Variants in AKR1C4 observed in about 807,000 individuals in gnomAD.
The protein encoded by AKR1C4 is 3-alpha-HSD1.
Under a neutral mutation model 41.0 loss-of-function variants are expected in AKR1C4, and 44 were observed. That is an observed-to-expected ratio of 1.07 (90% CI 0.84 to 1.38). The LOEUF (loss-of-function observed/expected upper bound fraction) is 1.38. Ranked by LOEUF, AKR1C4 falls within the 40% of genes most tolerant of loss-of-function variation. AKR1C4 has a pLI of 0.00. For synonymous variants in AKR1C4, 165 were observed against 137.7 expected (o/e 1.20, Z -1.39); for missense variants, 438 against 387.9 (o/e 1.13, Z -1.09).
chr10:5,216,144 CA>C (rs1832653114), intron 7 of AKR1C4, among the ~76,000 whole-genome samples: 1 of 152,046 alleles, frequency 6.6e-6, no homozygotes, highest in African/African-American at 2.4e-5. Flanking sequence ...TATCAAATAA[CA>C]AGAGATGAAG....
At chr10:5,204,746 G>A in intron 3 of AKR1C4, 1 of 571,832 alleles carries the variant, frequency 1.7e-6, no homozygotes, top group Non-Finnish European at 3.3e-6. Flanking sequence ...CACCTTCAAG[G>A]CTCTGTCTTA....
Position 5,204,412 on chromosome 10 carries a change from A to AC in AKR1C4, c.290dup (p.Ala98SerfsTer15). Reference sequence around the variant, plus strand: ...CTTTCTTTCAACCACAGATGGTCCAACCAGCCTTGGAAAGCTCACTGAAAA... The same window carrying AC: ...CTTTCTTTCAACCACAGATGGTCCAACCCAGCCTTGGAAAGCTCACTGAAAA... On this transcript the variant is annotated frameshift_variant, in exon 3 of 9. Transcript: ENST00000263126. LOFTEE classifies it high-confidence loss of function. 6.2e-7 allele frequency: 1 copy of AC among 1,614,030 alleles called. No homozygotes were observed. Among genetic ancestry groups the AC allele is most frequent in the Non-Finnish European group, 8.5e-7 (1 of 1,179,908 alleles).
At chr10:5,198,605 T>A (rs1832349835) in intron 1 of AKR1C4, among the ~76,000 whole-genome samples, 1 of 152,320 alleles carries the variant, frequency 6.6e-6, no homozygotes, top group South Asian at 2.1e-4. Flanking sequence ...AGGAAGTCAG[T>A]GTGTTTCCTG....
chr10:5,217,307 C>T (rs990753770), intron 8 of AKR1C4, among the ~76,000 whole-genome samples: 1 of 152,208 alleles, frequency 6.6e-6, no homozygotes, highest in Non-Finnish European at 1.5e-5. Flanking sequence ...TTTCAAATTT[C>T]TTTCTTCCTT....
intron 2 of AKR1C4, among the ~76,000 whole-genome samples, chr10:5,201,935 T>C (rs1832405314): frequency 6.6e-6 from 1 of 152,192 alleles, no homozygotes; most frequent in Admixed American, 6.5e-5. Context: ...AATTTCTGTG[T>C]TCTCTATTCT....
chr10:5,213,022 G>A lies in AKR1C4; in HGVS notation c.709G>A (p.Glu237Lys). ...WVDPNSPVLL[E>K]DPVLCALAKK... ...GGACCCAAACTCCCCAGTTCTTTTG[G>A]AGGACCCAGTTCTTTGTGCCTTAGC... Residue 237 changes from glutamate to lysine, a missense_variant, in exon 7 of 9, where the codon GAG (glutamate) becomes AAG (lysine). Transcript: ENST00000263126. 6.2e-7 allele frequency: 1 copy of A among 1,614,090 alleles called. No homozygotes were observed. Among genetic ancestry groups the A allele is most frequent in the Non-Finnish European group, 8.5e-7 (1 of 1,180,000 alleles).
At chr10:5,199,847 C>T (rs782746681) in intron 1 of AKR1C4, among the ~76,000 whole-genome samples, 2 of 152,206 alleles carry the variant, frequency 1.3e-5, no homozygotes, top group African/African-American at 2.4e-5. Flanking sequence ...ACAGAAAGCC[C>T]TCTGTCCTTG....
intron 4 of AKR1C4, 74 bp downstream of exon 4, chr10:5,205,908 A>G (rs1318716348): frequency 2.1e-6 from 3 of 1,409,306 alleles, no homozygotes; most frequent in Non-Finnish European, 2.0e-6. Context: ...TTTCATATGC[A>G]ACATTGGAAT....
intron 7 of AKR1C4, 65 bp downstream of exon 7, chr10:5,213,224 G>A (rs1270068577): frequency 1.0e-5 from 16 of 1,591,586 alleles, no homozygotes; most frequent in Admixed American, 6.8e-5. Flanking sequence ...TTCTTGTAAG[G>A]TTCTCAGGAC....
chr10:5,216,544 C>A (rs1306608312), intron 7 of AKR1C4, among the ~76,000 whole-genome samples, 167 bp from the exon 8 acceptor site: 7 of 152,080 alleles, frequency 4.6e-5, no homozygotes, highest in Non-Finnish European at 1.0e-4. Flanking sequence ...TATATTTTAT[C>A]TGATATTCTT....
intron 7 of AKR1C4, among the ~76,000 whole-genome samples, chr10:5,213,799 C>T (rs929203522): frequency 1.3e-5 from 2 of 152,162 alleles, no homozygotes; most frequent in African/African-American, 2.4e-5. Flanking sequence ...GGCAGCTCTA[C>T]AGAATTAATC....
At chr10:5,210,454 A>G (rs782761850) in intron 5 of AKR1C4, among the ~76,000 whole-genome samples, 6 of 152,218 alleles carry the variant, frequency 3.9e-5, no homozygotes, top group Non-Finnish European at 7.3e-5. Flanking sequence ...GTGCCCCAGC[A>G]GGGACTGTGT....
intron 1 of AKR1C4, among the ~76,000 whole-genome samples, chr10:5,199,197 A>G (rs1832359009): frequency 1.3e-5 from 2 of 152,104 alleles, no homozygotes; most frequent in Non-Finnish European, 2.9e-5. Flanking sequence ...GCAAATTGGG[A>G]TGGGTTTATC....
At chr10:5,203,941 GATGTT>G (rs1832443198) in intron 2 of AKR1C4, among the ~76,000 whole-genome samples, 1 of 152,156 alleles carries the variant, frequency 6.6e-6, no homozygotes, top group Non-Finnish European at 1.5e-5. Context: ...GCAACATAAG[GATGTT>G]ATGAGTATGA....
intron 2 of AKR1C4, 137 bp from the exon 3 acceptor site, chr10:5,204,240 T>C: frequency 2.9e-6 from 2 of 678,634 alleles, no homozygotes; most frequent in Non-Finnish European, 5.2e-6. Context: ...GTAGGTCATA[T>C]CAAAATAAAA....
In AKR1C4 at chr10:5,205,794, A is replaced by G; in HGVS notation, c.407A>G (p.Lys136Arg). Residue 136 changes from lysine (K) to arginine (R), a missense_variant, in exon 4 of 9, where the codon AAA becomes AGA. By Grantham distance (26) the Lys-to-Arg change is conservative. Transcript: ENST00000263126. ...ETPLPKDENGKVIFDTVDLSA... is the reference protein window; with the variant it reads ...ETPLPKDENGRVIFDTVDLSA... ...CCACTACCAAAAGATGAAAATGGAA[A>G]AGTAATATTCGACACAGTGGATCTC... 6.2e-7 allele frequency: 1 copy of G among 1,613,590 alleles called. No individual in the cohort carries two copies. The highest frequency in any genetic ancestry group is 1.1e-5 in the South Asian group (1 of 91,032).
At chr10:5,202,336 C>G (rs911991707) in intron 2 of AKR1C4, 30 of 321,150 alleles carry the variant, frequency 9.3e-5, no homozygotes, top group African/African-American at 6.4e-4. Flanking sequence ...AGCAGTGCTA[C>G]TAATTTCTGT....
At chr10:5,210,164 C>A (rs1554797794) in intron 5 of AKR1C4, among the ~76,000 whole-genome samples, 1 of 152,146 alleles carries the variant, frequency 6.6e-6, no homozygotes, top group African/African-American at 2.4e-5. Context: ...TCCAGCAGGG[C>A]AAATTTTAAA....
At chr10:5,208,841 A>G (rs1832527748) in intron 5 of AKR1C4, among the ~76,000 whole-genome samples, 1 of 151,344 alleles carries the variant, frequency 6.6e-6, no homozygotes, top group Admixed American at 6.6e-5. Context: ...AAAGATGTGT[A>G]TGACCTCTAA....
Sources: gnomAD v4.1 joint callset for allele counts (sites outside exome capture counted in the v4.1 genomes callset) on GRCh38, gnomAD v4.1.1 for gene constraint, MANE v1.5 for transcripts, NCBI Gene and HGNC (gene_info 2026-07-23, HGNC 2026-07-21) for gene names.